ZC3H13: variants seen among roughly 807,000 people sequenced by gnomAD.
ZC3H13 encodes zinc finger CCCH domain-containing protein 13.
A neutral mutation model predicts 204.1 loss-of-function variants in ZC3H13; 64 were observed. The observed-to-expected ratio is 0.31, with a 90% CI of 0.26 to 0.39. ZC3H13 has a LOEUF of 0.39. Ranked by LOEUF, ZC3H13 falls within the 10% of genes least tolerant of loss-of-function variation. ZC3H13 has a pLI of 1.00. For missense variants in ZC3H13, 1,833 were observed against 2,082.7 expected, an observed-to-expected ratio of 0.88 and a Z score of 2.33; for synonymous variants, 667 against 693.7, an observed-to-expected ratio of 0.96 and a Z score of 0.60.
chr13:45,988,344 G>A (rs1339246676), intron 9 of ZC3H13, among the ~76,000 whole-genome samples: 1 of 152,088 alleles, frequency 6.6e-6, no homozygotes, highest in Non-Finnish European at 1.5e-5. Context: ...TGCAAGCTCC[G>A]CCTCCCGGGT....
chr13:45,966,738 T>C (rs533445927), intron 15 of ZC3H13, among the ~76,000 whole-genome samples: 2 of 152,302 alleles, frequency 1.3e-5, no homozygotes, highest in South Asian at 2.1e-4. Flanking sequence ...TGTGAAGAGA[T>C]GAATTTGAAA....
In ZC3H13 at chr13:45,967,475, G is replaced by A. The variant is rs377765487; in HGVS notation, c.4321+29C>T. The A allele has an allele frequency of 2.6e-5, 39 of 1,506,442 alleles. No homozygotes were observed. The African/African-American group carries it at 5.3e-4, about 21-fold the overall frequency. 93.3% of individuals were successfully genotyped at this position (1,506,442 alleles called of 1,614,324 possible). ...ACGAAATCTGAAAAGAAATAAAGCA[G>A]TATCACAGACAACAGAGGTAGCACT... On this transcript the variant is annotated intron_variant, in intron 15 of 18. Transcript: ENST00000679008.
chr13:46,048,406 T>G (rs1025969859), intron 1 of ZC3H13, among the ~76,000 whole-genome samples: 4 of 151,282 alleles, frequency 2.6e-5, no homozygotes, highest in African/African-American at 9.7e-5. Flanking sequence ...TGAAACCCTG[T>G]CTCTACTAAA....
At chr13:45,959,011 A>G (rs1473653188) in intron 18 of ZC3H13, among the ~76,000 whole-genome samples, 1 of 152,218 alleles carries the variant, frequency 6.6e-6, no homozygotes, top group Non-Finnish European at 1.5e-5. Context: ...TGGGTTTACC[A>G]GATTTCATTA....
In ZC3H13 at chr13:45,968,857, G is replaced by A. The variant is rs748582866; in HGVS notation, c.3687C>T (p.His1229=). 16 of 1,614,114 alleles carry A rather than the reference G, an allele frequency of 9.9e-6. No homozygotes were observed. The East Asian group carries it at 2.0e-4, about 20-fold the overall frequency. ...TTTTTTCTCTATCTCTTGAGCCACT[G>A]TGCAGTACTCTCTTTCGACCACTTT... is the stretch of plus-strand genomic sequence containing the variant. ...DDQSGRKRVL[H]SGSRDREKTK... The change falls in exon 14 of 19, where the codon CAC becomes CAT. Residue 1229 remains histidine (H), a synonymous_variant. Transcript: ENST00000679008.
chr13:46,037,626 T>C (rs964140786), intron 4 of ZC3H13, among the ~76,000 whole-genome samples: 1 of 150,542 alleles, frequency 6.6e-6, no homozygotes, highest in Non-Finnish European at 1.5e-5. Context: ...TATTTCCTAC[T>C]GACTACCTCA....
intron 7 of ZC3H13, among the ~76,000 whole-genome samples, chr13:46,008,012 T>G (rs2041273680): frequency 6.6e-6 from 1 of 152,138 alleles, no homozygotes; most frequent in Non-Finnish European, 1.5e-5. Flanking sequence ...TCAGACTATA[T>G]CTCAAAATAA....
intron 15 of ZC3H13, 52 bp downstream of exon 15, chr13:45,967,452 G>A (rs1435431373): frequency 4.4e-5 from 65 of 1,473,808 alleles, no homozygotes; most frequent in South Asian, 1.9e-4. Context: ...TGTTTCCCAC[G>A]AAATCTGAAA....
chr13:45,985,181 AT>A, intron 10 of ZC3H13, 115 bp downstream of exon 10: 1 of 1,122,146 alleles, frequency 8.9e-7, no homozygotes, highest in Non-Finnish European at 1.2e-6. Context: ...AGTTCAATTA[AT>A]TAAAAATTAC....
chr13:46,027,704 G>A (rs985755174), intron 4 of ZC3H13, among the ~76,000 whole-genome samples: 7 of 152,132 alleles, frequency 4.6e-5, no homozygotes, highest in African/African-American at 1.7e-4. Context: ...GTTATTATCT[G>A]TATTATAGAT....
chr13:45,987,615 T>C (rs1048888799), intron 9 of ZC3H13, among the ~76,000 whole-genome samples: 2 of 152,204 alleles, frequency 1.3e-5, no homozygotes, highest in African/African-American at 4.8e-5. Context: ...CATCCGCCAT[T>C]TTCTTGAACA....
intron 8 of ZC3H13, among the ~76,000 whole-genome samples, chr13:45,993,600 A>G (rs932348812): frequency 5.3e-5 from 8 of 152,244 alleles, no homozygotes; most frequent in Non-Finnish European, 1.2e-4. Flanking sequence ...TCTAAGCATG[A>G]GAGAAAGCAC....
At chr13:46,019,011 C>T (rs1030907974) in intron 5 of ZC3H13, among the ~76,000 whole-genome samples, 8 of 152,062 alleles carry the variant, frequency 5.3e-5, no homozygotes, top group African/African-American at 1.4e-4. Context: ...GCCTTTATTG[C>T]TATTTTGTAG....
intron 15 of ZC3H13, among the ~76,000 whole-genome samples, chr13:45,966,260 T>C (rs1296887797): frequency 2.0e-5 from 3 of 152,170 alleles, no homozygotes; most frequent in Non-Finnish European, 4.4e-5. Flanking sequence ...ATATGCTTTA[T>C]GGGTATGAAT....
At position 45,977,526 on chromosome 13, in the gene ZC3H13, T is replaced by C. The variant is rs77100664; in HGVS notation, c.1913-1688A>G. 5.2e-3 allele frequency among the ~76,000 whole-genome samples: 790 copies of C among 152,296 alleles called. 2 individuals carry two copies. The highest frequency in any genetic ancestry group is 0.034 in the Middle Eastern group (10 of 294). ...CCTATCTTTCCCCCAAAATGTGTTA[T>C]TCAAAGATGTGCTTCTACTTACATA... On this transcript the variant is annotated intron_variant, in intron 11 of 18. Coordinates refer to ENST00000679008, the MANE Select transcript of ZC3H13 (RefSeq NM_001330564.2).
rs927024815 is a variant in ZC3H13 at position 46,010,777 on chromosome 13, A to G, written c.589-272T>C. ...AGGCATGGAAGGTGCCTATGGTCTCAGCTATTAGGGAGGCTGAGATGGGAG... is the reference window on the plus strand; with the variant it reads ...AGGCATGGAAGGTGCCTATGGTCTCGGCTATTAGGGAGGCTGAGATGGGAG... On this transcript the variant is annotated intron_variant, in intron 6 of 18. Transcript: ENST00000679008. Among the ~76,000 whole-genome samples, 3 of 151,142 alleles carry G rather than the reference A, an allele frequency of 2.0e-5. No homozygotes were observed. In the South Asian group the frequency reaches 6.3e-4, roughly 32 times the overall value.
intron 7 of ZC3H13, among the ~76,000 whole-genome samples, chr13:46,004,027 A>G (rs1401621092): frequency 6.6e-6 from 1 of 152,216 alleles, no homozygotes; most frequent in Non-Finnish European, 1.5e-5. Flanking sequence ...TTTGCATGTC[A>G]AAGGACACAA....
Position 46,027,928 on chromosome 13 carries a change from T to C in ZC3H13, c.340-7371A>G, listed in dbSNP as rs530294752. 7.2e-5 allele frequency among the ~76,000 whole-genome samples: 11 copies of C among 151,990 alleles called. No individual in the cohort carries two copies. In the East Asian group the frequency reaches 1.7e-3, roughly 24 times the overall value. ...GAACAAAAACAGGAACAAAGAACAATGGCAATGAAGAGAAAACAGTAACGA... is the reference window on the plus strand; with the variant it reads ...GAACAAAAACAGGAACAAAGAACAACGGCAATGAAGAGAAAACAGTAACGA... On this transcript the variant is annotated intron_variant, in intron 4 of 18. Transcript: ENST00000679008.
Position 45,964,061 on chromosome 13 carries a change from T to C in ZC3H13, c.4475-19A>G. 2 of 1,599,462 alleles carry C rather than the reference T, an allele frequency of 1.3e-6. No homozygotes were observed. Among genetic ancestry groups the C allele is most frequent in the Non-Finnish European group, 1.7e-6 (2 of 1,173,492 alleles). On this transcript the variant is annotated intron_variant, in intron 16 of 18. Transcript: ENST00000679008. The stretch of plus-strand genomic sequence containing the variant: ...AAGGGATCTGTAAAAAGTTAAAAAG[T>C]AAGATTTGTTTTACACCAAGAAATA...
Sources: allele counts gnomAD v4.1 joint callset (sites outside exome capture counted in the v4.1 genomes callset), GRCh38; gene constraint gnomAD v4.1.1; transcripts MANE v1.5; gene names NCBI Gene and HGNC (gene_info 2026-07-23, HGNC 2026-07-21).